Variants in RBFOX1 observed in about 807,000 individuals in gnomAD.
The protein encoded by RBFOX1 is RNA binding protein fox-1 homolog 1.
Under a neutral mutation model 57.7 loss-of-function variants are expected in RBFOX1, and 8 were observed. The ratio of observed to expected loss-of-function variants is 0.14; its 90% confidence interval spans 0.08 to 0.25. RBFOX1 has a LOEUF of 0.25. Ranked by LOEUF, RBFOX1 falls within the 10% of genes least tolerant of loss-of-function variation. RBFOX1 has a pLI of 1.00. For synonymous variants in RBFOX1, 326 were observed against 222.4 expected, an observed-to-expected ratio of 1.47 and a Z score of -4.15; for missense variants, 611 against 548.5, an observed-to-expected ratio of 1.11 and a Z score of -1.14.
At chr16:7,580,011 AG>A in intron 6 of RBFOX1, 91 bp downstream of exon 6, 1 of 1,395,380 alleles carries the variant, frequency 7.2e-7, no homozygotes, top group Non-Finnish European at 9.9e-7. Flanking sequence ...TACAATACTA[AG>A]GTTAGATGTT....
intron 3 of RBFOX1, among the ~76,000 whole-genome samples, chr16:5,758,701 A>C (rs2053484175): frequency 6.6e-6 from 1 of 152,228 alleles, no homozygotes. Flanking sequence ...TTGTAAGTAC[A>C]AGCTGTTGGA....
chr16:5,607,024 A>G (rs907759866), intron 3 of RBFOX1, among the ~76,000 whole-genome samples: 5 of 152,152 alleles, frequency 3.3e-5, no homozygotes, highest in African/African-American at 7.2e-5. Context: ...CATTTTAGAA[A>G]GATCTCCCTG....
chr16:5,631,292 C>T (rs892522034), intron 3 of RBFOX1, among the ~76,000 whole-genome samples: 1 of 152,180 alleles, frequency 6.6e-6, no homozygotes, highest in Non-Finnish European at 1.5e-5. Context: ...GGCGTGGTGG[C>T]TTACGCCTGT....
chr16:7,021,655 T>C (rs117617288), intron 3 of RBFOX1, among the ~76,000 whole-genome samples: 16,509 of 148,436 alleles, frequency 0.11, 1,314 homozygotes, highest in Non-Finnish European at 0.17. Flanking sequence ...TTAAAATTTT[T>C]ATTTCCCTCA....
chr16:6,892,217 C>A (rs150001170), intron 3 of RBFOX1, among the ~76,000 whole-genome samples: 7 of 152,248 alleles, frequency 4.6e-5, no homozygotes, highest in African/African-American at 1.7e-4. Context: ...AGCAGAACTT[C>A]CCCAGAGCTC....
intron 1 of RBFOX1, among the ~76,000 whole-genome samples, chr16:5,339,294 A>G (rs1007863407): frequency 3.9e-5 from 6 of 152,092 alleles, no homozygotes; most frequent in Admixed American, 6.6e-5. Flanking sequence ...GCTTGGTTGC[A>G]TGAGATATGA....
chr16:6,096,861 G>C (rs988313032), intron 1 of RBFOX1, among the ~76,000 whole-genome samples: 1 of 152,218 alleles, frequency 6.6e-6, no homozygotes, highest in African/African-American at 2.4e-5. Flanking sequence ...CGCTGGGAAG[G>C]AGTTGGCACT....
In RBFOX1 at chr16:6,525,125, G is replaced by T. The variant is rs76356570; in HGVS notation, c.-63-129478G>T. 5.5e-4 allele frequency among the ~76,000 whole-genome samples: 84 copies of T among 152,236 alleles called. No individual in the cohort carries two copies. The East Asian group carries it at 0.015, about 27-fold the overall frequency. ...ACAAAACTGTAAAACAGAGATATTT[G>T]GTCAACCTGTATTTATTGGGAATTG... On this transcript the variant is annotated intron_variant, in intron 2 of 15. Transcript: ENST00000550418.
chr16:7,333,534 A>G (rs954638806), intron 4 of RBFOX1, among the ~76,000 whole-genome samples: 3 of 152,162 alleles, frequency 2.0e-5, no homozygotes, highest in Non-Finnish European at 4.4e-5. Flanking sequence ...CGGATTGTCT[A>G]TTTTCAGAGA....
chr16:7,086,672 G>A (rs1396862293), intron 4 of RBFOX1, among the ~76,000 whole-genome samples: 1 of 151,424 alleles, frequency 6.6e-6, no homozygotes, highest in East Asian at 1.9e-4. Flanking sequence ...TATGCCTGCT[G>A]CAAAATTTCC....
In RBFOX1 at chr16:6,498,295, C is replaced by T. The variant is rs1036674124; in HGVS notation, c.-63-156308C>T. Among the ~76,000 whole-genome samples, 4 of 151,180 alleles carry T rather than the reference C, an allele frequency of 2.6e-5. No individual in the cohort carries two copies. The East Asian group carries it at 5.8e-4, about 22-fold the overall frequency. ...AGGATGACAATTCCAGATAGCTATT[C>T]CTAGGTTGATAAAATTACTGAGATA... On this transcript the variant is annotated intron_variant, in intron 2 of 15. Coordinates refer to ENST00000550418, the MANE Select transcript of RBFOX1 (RefSeq NM_018723.4).
At chr16:7,614,549 C>G (rs1412317931) in intron 10 of RBFOX1, 2 of 152,128 alleles carry the variant, frequency 1.3e-5, no homozygotes, top group East Asian at 3.9e-4. Flanking sequence ...GGTTCTTTTT[C>G]TTGTGTGTGG....
intron 1 of RBFOX1, among the ~76,000 whole-genome samples, chr16:6,244,917 C>T (rs2097560880): frequency 1.4e-5 from 2 of 138,510 alleles, no homozygotes; most frequent in African/African-American, 5.1e-5. Context: ...AAACTGAATA[C>T]CCAGTTTTGT....
At chr16:6,837,213 A>G (rs1294227530) in intron 3 of RBFOX1, among the ~76,000 whole-genome samples, 1 of 152,222 alleles carries the variant, frequency 6.6e-6, no homozygotes, top group Non-Finnish European at 1.5e-5. Context: ...GTAACATACA[A>G]ACTGTGGATC....
At chr16:6,497,965 C>T (rs758414638) in intron 2 of RBFOX1, among the ~76,000 whole-genome samples, 4 of 151,936 alleles carry the variant, frequency 2.6e-5, no homozygotes, top group Non-Finnish European at 5.9e-5. Context: ...ATGACAATTC[C>T]AGGCCAGGCA....
chr16:6,891,801 A>G (rs141596211), intron 3 of RBFOX1, among the ~76,000 whole-genome samples: 6 of 152,150 alleles, frequency 3.9e-5, no homozygotes, highest in African/African-American at 9.7e-5. Context: ...AAATAGAGCA[A>G]AGGTTGAGCC....
At chr16:5,530,193 A>G (rs1205032804) in intron 2 of RBFOX1, among the ~76,000 whole-genome samples, 1 of 152,176 alleles carries the variant, frequency 6.6e-6, no homozygotes, top group Non-Finnish European at 1.5e-5. Context: ...AAAGAACCTT[A>G]TTCCCAGCAG....
rs544680724 is a variant in RBFOX1 at position 5,240,881 on chromosome 16, T to C, written c.219+776T>C. Among the ~76,000 whole-genome samples, 909 of 152,286 alleles carry C rather than the reference T, an allele frequency of 6.0e-3. 11 individuals carry two copies. Among genetic ancestry groups the C allele is most frequent in the African/African-American group, 0.021 (871 of 41,566 alleles). ...TCTTCCTGTGTGGCTTTGCTGGCCTTCCACTGGGGAGGCACGCGGGTTTGG... is the reference window on the plus strand; with the variant it reads ...TCTTCCTGTGTGGCTTTGCTGGCCTCCCACTGGGGAGGCACGCGGGTTTGG... On this transcript the variant is annotated intron_variant, in intron 1 of 2. Coordinates refer to the RBFOX1 transcript ENST00000585867.
At chr16:5,291,133 G>A (rs1390169554) in intron 1 of RBFOX1, among the ~76,000 whole-genome samples, 2 of 152,162 alleles carry the variant, frequency 1.3e-5, no homozygotes, top group Admixed American at 6.5e-5. Context: ...AACTTCACAC[G>A]AGTGGTCCCA....
Sources: allele counts gnomAD v4.1 joint callset (sites outside exome capture counted in the v4.1 genomes callset), GRCh38; gene constraint gnomAD v4.1.1; transcripts MANE v1.5; gene names NCBI Gene and HGNC (gene_info 2026-07-23, HGNC 2026-07-21).